Variants in MAML3 observed in about 807,000 individuals in gnomAD.
MAML3 encodes mastermind like transcriptional coactivator 3, also known as mastermind-like protein 3.
Under a neutral mutation model 101.9 loss-of-function variants are expected in MAML3, and 27 were observed. That is an observed-to-expected ratio of 0.27 (90% confidence interval 0.20 to 0.37). MAML3 has a LOEUF of 0.37. MAML3 is among the 10% of genes least tolerant of loss of function. MAML3 has a pLI of 1.00. For synonymous variants in MAML3, 501 were observed against 555.9 expected, an observed-to-expected ratio of 0.90 and a Z score of 1.39; for missense variants, 1,316 against 1,444.9, an observed-to-expected ratio of 0.91 and a Z score of 1.45.
chr4:139,909,836 C>CAAAAAAAAAAAAAAAAAAAAAAAAAAAAA (rs11379402), intron 1 of MAML3, among the ~76,000 whole-genome samples: 1 of 58,730 alleles, frequency 1.7e-5, no homozygotes, highest in Non-Finnish European at 3.1e-5. Flanking sequence ...GATGCCGTCT[C>CAAAAAAAAAAAAAAAAAAAAAAAAAAAAA]AAAAAAAAAA....
rs1731573441 is a variant in MAML3, at chr4:139,852,403, G to GTTTTTTTTTTTTTTTTTGTTTT, written c.2079+36953_2079+36954insAAAACAAAAAAAAAAAAAAAAA. On this transcript the variant is annotated intron_variant, in intron 2 of 4. Coordinates refer to ENST00000509479, the MANE Select transcript of MAML3 (RefSeq NM_018717.5). ...AAAGCTCACCAAAATTCAGAAGACT[G>GTTTTTTTTTTTTTTTTTGTTTT]TTTTTTTTTTTTTTTTTTTTTTTTT... is the stretch of plus-strand genomic sequence containing the variant. Among the ~76,000 whole-genome samples the GTTTTTTTTTTTTTTTTTGTTTT allele has an allele frequency of 1.0e-4, 7 of 68,326 alleles. 2 individuals are homozygous for GTTTTTTTTTTTTTTTTTGTTTT. Among genetic ancestry groups the GTTTTTTTTTTTTTTTTTGTTTT allele is most frequent in the African/African-American group, 4.7e-4 (7 of 15,034 alleles). 44.8% of individuals were successfully genotyped at this position (68,326 alleles called of 152,430 possible).
chr4:139,732,418 A>C (rs1240829724), intron 2 of MAML3, among the ~76,000 whole-genome samples: 1 of 152,136 alleles, frequency 6.6e-6, no homozygotes, highest in Non-Finnish European at 1.5e-5. Context: ...CCCTCCAAAC[A>C]AAACAAAACA....
chr4:140,069,643 A>G (rs573027454), intron 1 of MAML3, among the ~76,000 whole-genome samples: 17 of 148,042 alleles, frequency 1.1e-4, no homozygotes, highest in African/African-American at 3.8e-4. Context: ...GAAGAAGAAG[A>G]AGGAGGAGGA....
intron 1 of MAML3, among the ~76,000 whole-genome samples, chr4:140,132,888 A>G (rs1728818943): frequency 6.6e-6 from 1 of 152,208 alleles, no homozygotes; most frequent in Admixed American, 6.5e-5. Context: ...TGAGAGCTGT[A>G]GAGGTTTTTG....
intron 1 of MAML3, among the ~76,000 whole-genome samples, chr4:140,052,700 A>G (rs559079079): frequency 6.6e-6 from 1 of 152,006 alleles, no homozygotes; most frequent in South Asian, 2.1e-4. Flanking sequence ...ATACCCGGCT[A>G]ATTTTTGTAT....
At chr4:139,778,858 C>T (rs963279566) in intron 2 of MAML3, among the ~76,000 whole-genome samples, 1 of 151,946 alleles carries the variant, frequency 6.6e-6, no homozygotes, top group African/African-American at 2.4e-5. Flanking sequence ...TGGCAGGCAC[C>T]TGTAGTCCCA....
chr4:140,091,539 AAAAC>A (rs1354299024), intron 1 of MAML3, among the ~76,000 whole-genome samples: 1 of 128,260 alleles, frequency 7.8e-6, no homozygotes, highest in African/African-American at 2.9e-5. Flanking sequence ...CAACAAAACA[AAAAC>A]AAAACAAAAA....
intron 1 of MAML3, among the ~76,000 whole-genome samples, chr4:139,977,688 C>G (rs1203853910): frequency 6.6e-6 from 1 of 152,032 alleles, no homozygotes; most frequent in Admixed American, 6.5e-5. Context: ...GCCCAGCCAA[C>G]ATGGTGAAAC....
chr4:139,779,251 C>G (rs892636842), intron 2 of MAML3, among the ~76,000 whole-genome samples: 11 of 152,170 alleles, frequency 7.2e-5, no homozygotes, highest in Admixed American at 5.9e-4. Flanking sequence ...TGGGGGGGCT[C>G]TATAAATGCT....
At chr4:139,825,302 G>A (rs1187034649) in intron 2 of MAML3, among the ~76,000 whole-genome samples, 1 of 152,178 alleles carries the variant, frequency 6.6e-6, no homozygotes, top group Non-Finnish European at 1.5e-5. Flanking sequence ...AGGAGGAGAT[G>A]TCTATTTACT....
At chr4:140,135,321 A>C (rs984041856) in intron 1 of MAML3, among the ~76,000 whole-genome samples, 1 of 152,242 alleles carries the variant, frequency 6.6e-6, no homozygotes, top group Admixed American at 6.5e-5. Flanking sequence ...TTAAGAATAA[A>C]GATGTCATGT....
chr4:139,752,579 C>T (rs1327536917), intron 2 of MAML3, among the ~76,000 whole-genome samples: 1 of 152,188 alleles, frequency 6.6e-6, no homozygotes, highest in Non-Finnish European at 1.5e-5. Flanking sequence ...GAAGCCAGGA[C>T]TTCTCATGTC....
At chr4:139,942,317 A>G (rs1386937332) in intron 1 of MAML3, among the ~76,000 whole-genome samples, 2 of 152,200 alleles carry the variant, frequency 1.3e-5, no homozygotes, top group African/African-American at 2.4e-5. Flanking sequence ...TTAGGAGTCC[A>G]TGCCCACTTA....
chr4:139,790,240 T>A (rs1051278511), intron 2 of MAML3, among the ~76,000 whole-genome samples: 6 of 144,656 alleles, frequency 4.1e-5, no homozygotes, highest in African/African-American at 7.6e-5. Context: ...TATATATATA[T>A]ATAAATAAAT....
At chr4:139,739,129 G>C (rs917504963) in intron 2 of MAML3, among the ~76,000 whole-genome samples, 25 of 152,334 alleles carry the variant, frequency 1.6e-4, no homozygotes, top group African/African-American at 6.0e-4. Context: ...TGACTAATTG[G>C]CTGGGATGAA....
At chr4:139,915,374 C>G (rs1309608891) in intron 1 of MAML3, among the ~76,000 whole-genome samples, 2 of 151,840 alleles carry the variant, frequency 1.3e-5, no homozygotes, top group Admixed American at 1.3e-4. Flanking sequence ...TCCTTATTAG[C>G]AAAGGGAGAT....
intron 1 of MAML3, among the ~76,000 whole-genome samples, chr4:139,892,820 A>G (rs1732529527): frequency 6.6e-6 from 1 of 151,058 alleles, no homozygotes; most frequent in Non-Finnish European, 1.5e-5. Context: ...AGTCCCAGCT[A>G]CTTGAGAGGC....
intron 2 of MAML3, among the ~76,000 whole-genome samples, chr4:139,809,769 C>T (rs535256207): frequency 1.9e-4 from 29 of 152,280 alleles, no homozygotes; most frequent in African/African-American, 7.0e-4. Context: ...TGTGAGCCCC[C>T]ACCTTCCTGA....
chr4:139,871,867 A>T (rs933464258), intron 2 of MAML3, among the ~76,000 whole-genome samples: 4 of 152,250 alleles, frequency 2.6e-5, no homozygotes, highest in Admixed American at 1.3e-4. Flanking sequence ...CCTTTTGCTT[A>T]TGCTTCAGTT....
Sources: gnomAD v4.1 joint callset for allele counts (sites outside exome capture counted in the v4.1 genomes callset) on GRCh38, gnomAD v4.1.1 for gene constraint, MANE v1.5 for transcripts, NCBI Gene and HGNC (gene_info 2026-07-23, HGNC 2026-07-21) for gene names.